Variants in CTNND2 observed in about 807,000 individuals in gnomAD.
CTNND2 encodes the protein catenin delta-2.
CTNND2 carries 22 observed loss-of-function variants against 144.4 expected under a neutral mutation model. The observed-to-expected ratio is 0.15, with a 90% CI of 0.11 to 0.22. CTNND2 has a LOEUF of 0.22. Ranked by LOEUF, CTNND2 falls within the 10% of genes least tolerant of loss-of-function variation. CTNND2 has a pLI of 1.00. For missense variants in CTNND2, 1,353 were observed against 1,618.8 expected (o/e 0.84, Z 2.82); for synonymous variants, 751 against 695.6 (o/e 1.08, Z -1.25).
chr5:11,128,947 TAA>T (rs1491446450), intron 12 of CTNND2, among the ~76,000 whole-genome samples: 2 of 49,720 alleles, frequency 4.0e-5, no homozygotes, highest in African/African-American at 6.3e-5. Flanking sequence ...ATATTATATA[TAA>T]TATATAAATA....
chr5:11,340,488 C>T (rs573160087), intron 9 of CTNND2, among the ~76,000 whole-genome samples: 1 of 152,246 alleles, frequency 6.6e-6, no homozygotes, highest in East Asian at 1.9e-4. Context: ...GATACAACCT[C>T]GCTGAGGACA....
chr5:11,013,845 C>A (rs1192751250), intron 18 of CTNND2, among the ~76,000 whole-genome samples: 1 of 152,184 alleles, frequency 6.6e-6, no homozygotes, highest in Non-Finnish European at 1.5e-5. Flanking sequence ...TGAGCTCTCA[C>A]CCCGGGGTGT....
At chr5:11,142,761 G>A (rs1028834688) in intron 12 of CTNND2, among the ~76,000 whole-genome samples, 6 of 151,748 alleles carry the variant, frequency 4.0e-5, no homozygotes, top group African/African-American at 9.7e-5. Context: ...CTACAGGCGC[G>A]CGCCACCATG....
chr5:11,343,586 G>A (rs1054495968), intron 9 of CTNND2, among the ~76,000 whole-genome samples: 2 of 151,742 alleles, frequency 1.3e-5, no homozygotes, highest in East Asian at 1.9e-4. Flanking sequence ...AAAAATGTTC[G>A]TGCCAACATG....
rs1307328133 is a variant in CTNND2, at chr5:11,904,438, C to T, written c.-585G>A. 6.6e-6 allele frequency among the ~76,000 whole-genome samples: 1 copy of T among 151,896 alleles called. No individual in the cohort carries two copies. The highest frequency in any genetic ancestry group is 1.5e-5 in the Non-Finnish European group (1 of 67,944). On this transcript the variant is annotated 5_prime_UTR_variant, in exon 1 of 22. Coordinates refer to ENST00000304623, the MANE Select transcript of CTNND2 (RefSeq NM_001332.4). The surrounding 1 kb of genome is among the most constrained non-coding windows in gnomAD (Gnocchi z 4.2). ...CGTCCGCCCCGCCGCCGAAACCGGC[C>T]CCGGGTGCGGAGCATGCCCAGTGCC...
At chr5:11,335,961 GCCTCTGATTGGTTGCTTTCC>G (rs1753687638) in intron 9 of CTNND2, among the ~76,000 whole-genome samples, 1 of 152,012 alleles carries the variant, frequency 6.6e-6, no homozygotes, top group South Asian at 2.1e-4. Flanking sequence ...TGTAACTTCA[GCCTCTGATTGGTTGCTTTCC>G]ACAACCAATC....
intron 3 of CTNND2, among the ~76,000 whole-genome samples, chr5:11,548,359 T>C (rs1581468366): frequency 6.6e-6 from 1 of 152,338 alleles, no homozygotes; most frequent in East Asian, 1.9e-4. Context: ...AACAGAGTTA[T>C]AGCATTTTTT....
intron 9 of CTNND2, among the ~76,000 whole-genome samples, chr5:11,302,307 G>C (rs771865260): frequency 3.9e-5 from 6 of 152,130 alleles, no homozygotes; most frequent in Non-Finnish European, 5.9e-5. Context: ...CGGGGACAGG[G>C]AGAGATCCAG....
intron 11 of CTNND2, among the ~76,000 whole-genome samples, chr5:11,166,526 G>A (rs1165841092): frequency 6.6e-6 from 1 of 151,394 alleles, no homozygotes; most frequent in African/African-American, 2.4e-5. Flanking sequence ...TGGGATTACA[G>A]GCCCGCCACC....
chr5:11,589,797 A>G (rs563030146), intron 2 of CTNND2, among the ~76,000 whole-genome samples: 37 of 152,236 alleles, frequency 2.4e-4, no homozygotes, highest in Non-Finnish European at 5.1e-4. Context: ...TTTTATAATT[A>G]GACGACCTGG....
At chr5:11,323,356 T>G (rs193003334) in intron 9 of CTNND2, among the ~76,000 whole-genome samples, 22 of 152,220 alleles carry the variant, frequency 1.4e-4, no homozygotes, top group African/African-American at 4.6e-4. Context: ...AGGGTATTTC[T>G]GACTTTTTTC....
At chr5:11,592,278 T>G (rs919590302) in intron 2 of CTNND2, among the ~76,000 whole-genome samples, 1 of 151,280 alleles carries the variant, frequency 6.6e-6, no homozygotes, top group East Asian at 2.0e-4. Flanking sequence ...CTGTCTTCCT[T>G]CCTTCCTTTC....
chr5:11,246,045 A>G (rs181920164), intron 9 of CTNND2, among the ~76,000 whole-genome samples: 5 of 152,270 alleles, frequency 3.3e-5, no homozygotes, highest in African/African-American at 1.2e-4. Flanking sequence ...TGCTTTGTCT[A>G]AGGATTCAGT....
intron 3 of CTNND2, among the ~76,000 whole-genome samples, chr5:11,458,273 T>TGCTGA (rs1554063090): frequency 6.6e-6 from 1 of 152,156 alleles, no homozygotes; most frequent in African/African-American, 2.4e-5. Context: ...CAGGGGAACA[T>TGCTGA]GCTGGGCAAC....
chr5:11,787,675 T>C (rs1481500750), intron 1 of CTNND2, among the ~76,000 whole-genome samples: 1 of 151,374 alleles, frequency 6.6e-6, no homozygotes, highest in Non-Finnish European at 1.5e-5. Flanking sequence ...CACATTCCCA[T>C]AATTTAATAA....
At chr5:11,318,643 G>C (rs971587867) in intron 9 of CTNND2, among the ~76,000 whole-genome samples, 2 of 152,052 alleles carry the variant, frequency 1.3e-5, no homozygotes, top group African/African-American at 4.8e-5. Flanking sequence ...CTTTGCTTTT[G>C]TGAAAATGTA....
chr5:11,381,437 A>C (rs1469265437), intron 7 of CTNND2, among the ~76,000 whole-genome samples: 1 of 152,122 alleles, frequency 6.6e-6, no homozygotes, highest in African/African-American at 2.4e-5. Context: ...GCTGACCTCA[A>C]GTCATGTGTT....
At chr5:11,812,255 T>C (rs1381603816) in intron 1 of CTNND2, among the ~76,000 whole-genome samples, 4 of 152,206 alleles carry the variant, frequency 2.6e-5, no homozygotes, top group African/African-American at 9.6e-5. Context: ...TTTTCTTGCT[T>C]TTCCAGCTCT....
chr5:11,518,592 C>T (rs12523633), intron 3 of CTNND2, among the ~76,000 whole-genome samples: 10,032 of 152,236 alleles, frequency 0.066, 334 homozygotes, highest in South Asian at 0.12. Flanking sequence ...CCTGCAAGCC[C>T]TGCATGGTTT....
Sources: gnomAD v4.1 joint callset for allele counts (sites outside exome capture counted in the v4.1 genomes callset) on GRCh38, gnomAD v4.1.1 for gene constraint, Gnocchi (gnomAD v3.1) non-coding constraint, MANE v1.5 for transcripts, NCBI Gene and HGNC (gene_info 2026-07-23, HGNC 2026-07-21) for gene names.